The following FAM120A variants were observed in gnomAD, a reference collection of about 807,000 sequenced individuals.
FAM120A encodes constitutive coactivator of PPAR-gamma-like protein 1.
Under a neutral mutation model 109.7 loss-of-function variants are expected in FAM120A, and 15 were observed. The observed-to-expected ratio is 0.14, with a 90% CI of 0.09 to 0.21. FAM120A has a LOEUF of 0.21. Ranked by LOEUF, FAM120A falls within the 10% of genes least tolerant of loss-of-function variation. The probability of loss-of-function intolerance (pLI) is 1.00; values close to 1 mark genes in which losing one functional copy is unlikely to be tolerated. For missense variants in FAM120A, 899 were observed against 1,439.3 expected, an observed-to-expected ratio of 0.62 and a Z score of 6.07; for synonymous variants, 493 against 572.8, an observed-to-expected ratio of 0.86 and a Z score of 1.99.
Position 93,457,557 on chromosome 9 carries a change from A to G in FAM120A, c.474+5168A>G, listed in dbSNP as rs376681255. Among the ~76,000 whole-genome samples the G allele has an allele frequency of 7.2e-5, 11 of 152,158 alleles. No homozygotes were observed. In the East Asian group the frequency reaches 1.2e-3, roughly 16 times the overall value. On this transcript the variant is annotated intron_variant, in intron 1 of 17. Transcript: ENST00000277165. ...CCGACAGATGGTATACACATGATAT[A>G]TACACACAGTAGAGCTAAAGGTATG...
intron 12 of FAM120A, among the ~76,000 whole-genome samples, chr9:93,552,900 CTG>C (rs1862153181): frequency 6.6e-6 from 1 of 152,204 alleles, no homozygotes; most frequent in Non-Finnish European, 1.5e-5. Context: ...ATCGTCCACT[CTG>C]TGGTTGGCCA....
chr9:93,484,847 T>G (rs1858968037), intron 3 of FAM120A, among the ~76,000 whole-genome samples: 1 of 152,198 alleles, frequency 6.6e-6, no homozygotes, highest in African/African-American at 2.4e-5. Context: ...AGTGCTGGGA[T>G]TACAGGCATG....
chr9:93,529,628 C>G (rs771299957), intron 9 of FAM120A, 48 bp downstream of exon 9: 2 of 1,520,704 alleles, frequency 1.3e-6, no homozygotes, highest in Admixed American at 3.4e-5. Context: ...TGATGAGTGG[C>G]CATTCCTATG....
At chr9:93,480,058 G>A (rs1858729242) in intron 3 of FAM120A, among the ~76,000 whole-genome samples, 1 of 152,158 alleles carries the variant, frequency 6.6e-6, no homozygotes, top group Non-Finnish European at 1.5e-5. Context: ...GATTATGAAT[G>A]CAATGTTAGA....
chr9:93,453,922 GCT>G (rs2131179857), intron 1 of FAM120A, among the ~76,000 whole-genome samples: 1 of 152,324 alleles, frequency 6.6e-6, no homozygotes, highest in East Asian at 1.9e-4. Flanking sequence ...TAACCGCACA[GCT>G]CTCTACTTAA....
At chr9:93,507,957 G>A (rs747051764) in intron 5 of FAM120A, among the ~76,000 whole-genome samples, 10 of 152,186 alleles carry the variant, frequency 6.6e-5, no homozygotes, top group Non-Finnish European at 1.5e-4. Context: ...AAATGCAGGG[G>A]AGAATTGAAC....
intron 16 of FAM120A, 147 bp from the exon 17 acceptor site, chr9:93,562,061 C>T (rs1056466727): frequency 6.1e-6 from 4 of 657,624 alleles, no homozygotes; most frequent in Non-Finnish European, 5.1e-6. Context: ...TGCAAAAATT[C>T]AACAAATTGC....
At chr9:93,493,250 T>C (rs555759615) in intron 3 of FAM120A, among the ~76,000 whole-genome samples, 1 of 152,342 alleles carries the variant, frequency 6.6e-6, no homozygotes, top group South Asian at 2.1e-4. Context: ...TATTTTGGCA[T>C]TGTGTTCAAA....
rs978945668 is a variant in FAM120A at position 93,500,227 on chromosome 9, C to T, written c.1030+1341C>T. On this transcript the variant is annotated intron_variant, in intron 5 of 17. Coordinates refer to ENST00000277165, the MANE Select transcript of FAM120A (RefSeq NM_014612.5). This position sits in a 1 kb window ranked among gnomAD's most constrained non-coding sequence, Gnocchi z 4.6. ...TGCTCAGAATTCCCCATTGGCTTCCCGTCACACTTGGAATAAATTCCCAAC... is the reference window on the plus strand; with the variant it reads ...TGCTCAGAATTCCCCATTGGCTTCCTGTCACACTTGGAATAAATTCCCAAC... Among the ~76,000 whole-genome samples, 14 of 152,256 alleles carry T rather than the reference C, an allele frequency of 9.2e-5. No homozygotes were observed. Among genetic ancestry groups the T allele is most frequent in the African/African-American group, 3.4e-4 (14 of 41,460 alleles).
chr9:93,462,364 T>C (rs1240546587), intron 1 of FAM120A, among the ~76,000 whole-genome samples: 1 of 140,006 alleles, frequency 7.1e-6, no homozygotes, highest in Admixed American at 7.2e-5. Context: ...CACTGCAACC[T>C]CTGCCTCCCG....
At chr9:93,539,509 T>C (rs1861625822) in intron 10 of FAM120A, among the ~76,000 whole-genome samples, 1 of 152,224 alleles carries the variant, frequency 6.6e-6, no homozygotes, top group African/African-American at 2.4e-5. Context: ...CTTACTGTTT[T>C]AATAAGACTC....
intron 13 of FAM120A, among the ~76,000 whole-genome samples, chr9:93,557,327 G>T (rs1862320748): frequency 1.3e-5 from 2 of 152,010 alleles, no homozygotes; most frequent in South Asian, 4.2e-4. Context: ...ACGGTGTTTT[G>T]CTATGTTGGT....
At chr9:93,555,955 G>A (rs988216285) in intron 12 of FAM120A, among the ~76,000 whole-genome samples, 5 of 152,092 alleles carry the variant, frequency 3.3e-5, no homozygotes, top group African/African-American at 1.2e-4. Context: ...TCTTAATAGA[G>A]TGTTCAGTTT....
At position 93,498,106 on chromosome 9, in the gene FAM120A, G is replaced by A. The variant is rs545766255; in HGVS notation, c.933+507G>A. Among the ~76,000 whole-genome samples the A allele has an allele frequency of 2.2e-4, 33 of 152,262 alleles. No individual in the cohort carries two copies. The highest frequency in any genetic ancestry group is 7.9e-4 in the African/African-American group (33 of 41,564). ...ACTCCTGCTGTGTCTCTAGAGAGCT[G>A]AAATGCAGCCAGGCACGGTGGCTCA... On this transcript the variant is annotated intron_variant, in intron 4 of 17. Transcript: ENST00000277165. The surrounding 1 kb of genome is among the most constrained non-coding windows in gnomAD (Gnocchi z 4.4).
At chr9:93,560,935 TCAAA>T (rs1862444297) in intron 15 of FAM120A, among the ~76,000 whole-genome samples, 170 bp from the exon 16 acceptor site, 1 of 152,176 alleles carries the variant, frequency 6.6e-6, no homozygotes, top group African/African-American at 2.4e-5. Flanking sequence ...TAGTTTAAAG[TCAAA>T]CAGTGTGCAC....
At chr9:93,493,432 G>A (rs1237736105) in intron 3 of FAM120A, among the ~76,000 whole-genome samples, 1 of 152,108 alleles carries the variant, frequency 6.6e-6, no homozygotes, top group African/African-American at 2.4e-5. Context: ...ATTTTGGAGG[G>A]CCCAAAGATG....
chr9:93,541,130 A>T (rs1564352955), intron 10 of FAM120A, among the ~76,000 whole-genome samples: 1 of 151,392 alleles, frequency 6.6e-6, no homozygotes, highest in East Asian at 1.9e-4. Context: ...GAAATATGTG[A>T]TGTGTGCATG....
At chr9:93,512,716 T>C (rs563405687) in intron 5 of FAM120A, among the ~76,000 whole-genome samples, 1 of 152,296 alleles carries the variant, frequency 6.6e-6, no homozygotes, top group African/African-American at 2.4e-5. Flanking sequence ...CAAGAACCGA[T>C]ATAGACGAAG....
In FAM120A at chr9:93,452,526, T is replaced by G. The variant is rs564664349; in HGVS notation, c.474+137T>G. On this transcript the variant is annotated intron_variant, in intron 1 of 17. Transcript: ENST00000277165. The surrounding 1 kb of genome is among the most constrained non-coding windows in gnomAD (Gnocchi z 7.0). The stretch of plus-strand genomic sequence containing the variant: ...CCCCCAGCCCTTGCCCGGGATAGCC[T>G]GGCCGGGCCGGGCTGCAAGATGGAT... The G allele has an allele frequency of 4.3e-4, 668 of 1,557,906 alleles. 2 individuals carry two copies. The highest frequency in any genetic ancestry group is 1.8e-3 in the Middle Eastern group (9 of 4,892).
Sources: allele counts gnomAD v4.1 joint callset (sites outside exome capture counted in the v4.1 genomes callset), GRCh38; gene constraint gnomAD v4.1.1; non-coding constraint Gnocchi (gnomAD v3.1); transcripts MANE v1.5; gene names NCBI Gene and HGNC (gene_info 2026-07-23, HGNC 2026-07-21).